HAT1: variants seen among roughly 807,000 people sequenced by gnomAD.
HAT1 encodes the protein histone acetyltransferase 1.
In HAT1, 20 loss-of-function variants were observed where a neutral mutation model predicts 56.6. That is an observed-to-expected ratio of 0.35 (90% CI 0.25 to 0.51). The LOEUF is 0.51. HAT1 is among the 20% of genes least tolerant of loss of function. The pLI, the probability that HAT1 is intolerant of heterozygous loss-of-function variation, is 0.95. For missense variants in HAT1, 408 were observed against 504.3 expected (o/e 0.81, Z 1.83); for synonymous variants, 146 against 165.5 (o/e 0.88, Z 0.91).
intron 4 of HAT1, among the ~76,000 whole-genome samples, chr2:171,956,658 G>C (rs996056472): frequency 1.3e-5 from 2 of 152,230 alleles, no homozygotes; most frequent in Non-Finnish European, 2.9e-5. Context: ...CTGCAGTTCT[G>C]TGGAAAGGAG....
At chr2:171,925,769 T>C in intron 2 of HAT1, 128 bp downstream of exon 2, 1 of 546,560 alleles carries the variant, frequency 1.8e-6, no homozygotes, top group Middle Eastern at 4.8e-4. Flanking sequence ...TTTCTGCATT[T>C]ATTGAACATA....
chr2:171,965,061 G>A, intron 4 of HAT1: 1 of 307,636 alleles, frequency 3.3e-6, no homozygotes, highest in Non-Finnish European at 6.0e-6. Context: ...AGCTGTTTCT[G>A]CATAATGGAA....
chr2:171,981,988 G>T (rs1349407478), intron 10 of HAT1, among the ~76,000 whole-genome samples: 1 of 151,974 alleles, frequency 6.6e-6, no homozygotes, highest in Non-Finnish European at 1.5e-5. Flanking sequence ...ATAATTTATT[G>T]AATTATATAT....
At chr2:171,944,331 G>C (rs1383167419) in intron 2 of HAT1, among the ~76,000 whole-genome samples, 1 of 152,090 alleles carries the variant, frequency 6.6e-6, no homozygotes, top group East Asian at 1.9e-4. Flanking sequence ...GTACATTCTG[G>C]ATTTGTGTAT....
At chr2:171,923,737 C>T (rs1371929631) in intron 1 of HAT1, 2 of 152,158 alleles carry the variant, frequency 1.3e-5, no homozygotes, top group South Asian at 2.1e-4. Flanking sequence ...TCTTGAAGTA[C>T]CACAGAAGAG....
chr2:171,978,491 T>C (rs896058184), intron 9 of HAT1, among the ~76,000 whole-genome samples: 11 of 152,182 alleles, frequency 7.2e-5, no homozygotes, highest in African/African-American at 2.7e-4. Flanking sequence ...TCCTTGCCCT[T>C]AGACTAGAAT....
chr2:171,981,336 A>AAC (rs753349200), intron 10 of HAT1, among the ~76,000 whole-genome samples: 28 of 152,326 alleles, frequency 1.8e-4, no homozygotes, highest in Non-Finnish European at 3.5e-4. Flanking sequence ...AATAGCTGGG[A>AAC]ACATAAGTGA....
intron 2 of HAT1, among the ~76,000 whole-genome samples, chr2:171,933,140 C>T (rs995873273): frequency 6.6e-6 from 1 of 152,108 alleles, no homozygotes; most frequent in African/African-American, 2.4e-5. Context: ...TCACTGTAGC[C>T]TCAACCTCTT....
chr2:171,946,686 A>AT lies in HAT1; in HGVS notation c.113-15dup, dbSNP rs771067618. On this transcript the variant is annotated intron_variant, in intron 2 of 10. Transcript: ENST00000264108. ...ATCTTTAGTTATCTTTAATATCTCT[A>AT]TTTTTTTGTCCCTTGAAACAGTTCG... 9.0e-5 allele frequency: 128 copies of AT among 1,419,632 alleles called. No homozygotes were observed. In the African/African-American group the frequency reaches 1.4e-3, roughly 16 times the overall value. The allele number at this position is 1,419,632 out of a possible 1,614,324, so 87.9% of individuals were successfully genotyped here. A position where few individuals can be genotyped will look rare whatever the true frequency, so the allele number is the denominator to read the frequency against.
At chr2:171,926,087 C>G (rs915490767) in intron 2 of HAT1, among the ~76,000 whole-genome samples, 12 of 151,922 alleles carry the variant, frequency 7.9e-5, no homozygotes, top group Non-Finnish European at 1.8e-4. Context: ...TCTCTTCTTT[C>G]ATTTCCTCCC....
chr2:171,960,293 T>C (rs1015995982), intron 4 of HAT1, among the ~76,000 whole-genome samples: 3 of 152,104 alleles, frequency 2.0e-5, no homozygotes, highest in African/African-American at 4.8e-5. Flanking sequence ...GAATTAGATG[T>C]GACAGATGAA....
Position 171,922,511 on chromosome 2 carries a change from A to T in HAT1, c.7+4A>T. 2 of 1,318,420 alleles carry T rather than the reference A, an allele frequency of 1.5e-6. No homozygotes were observed. Among genetic ancestry groups the T allele is most frequent in the Non-Finnish European group, 2.0e-6 (2 of 1,024,272 alleles). 81.7% of individuals were successfully genotyped at this position (1,318,420 alleles called of 1,614,324 possible). A position where few individuals can be genotyped will look rare whatever the true frequency, so the allele number is the denominator to read the frequency against. ...GATCGTAGCTCGGAAATGGCGGGTA[A>T]GTTACCGGGAAAAGTTTACCAAGGG... On this transcript the variant is annotated splice_donor_region_variant and intron_variant, in intron 1 of 10. Transcript: ENST00000264108.
At chr2:171,937,998 CATCT>C (rs1404473079) in intron 2 of HAT1, among the ~76,000 whole-genome samples, 19 of 136,800 alleles carry the variant, frequency 1.4e-4, no homozygotes, top group Admixed American at 5.3e-4. Context: ...AGCAAGACCC[CATCT>C]ATCTATCTGT....
In HAT1 at chr2:171,925,553, G is replaced by T; in HGVS notation, c.24G>T (p.Glu8Asp). The T allele has an allele frequency of 6.5e-7, 1 of 1,533,136 alleles. No individual in the cohort carries two copies. 95.0% of individuals were successfully genotyped at this position (1,533,136 alleles called of 1,614,324 possible). A position where few individuals can be genotyped will look rare whatever the true frequency, so the allele number is the denominator to read the frequency against. ...TTCTCTTAGGATTTGGTGCTATGGA[G>T]AAATTTTTGGTAGAATATAAGAGTG... MAGFGAM[E>D]KFLVEYKSAV... is the part of the protein sequence containing the mutation. The change falls in exon 2 of 11, where the codon GAG becomes GAT. Residue 8 changes from glutamate to aspartate, a missense_variant. Transcript: ENST00000264108.
Position 171,950,939 on chromosome 2 carries a change from C to T in HAT1, c.189-1942C>T, listed in dbSNP as rs187752083. Among the ~76,000 whole-genome samples the T allele has an allele frequency of 3.3e-5, 5 of 151,878 alleles. No individual in the cohort carries two copies. In the East Asian group the frequency reaches 7.8e-4, roughly 24 times the overall value. On this transcript the variant is annotated intron_variant, in intron 3 of 10. Transcript: ENST00000264108. The stretch of plus-strand genomic sequence containing the variant: ...ATGCTCCTGCCTCAGCCTCCCGAGT[C>T]GCTGGGGTTACAGGCGCCTGCCACC...
chr2:171,930,051 A>T (rs184360498), intron 2 of HAT1, among the ~76,000 whole-genome samples: 2 of 152,316 alleles, frequency 1.3e-5, no homozygotes, highest in East Asian at 3.9e-4. Flanking sequence ...TATGAACATG[A>T]TGTATTTCTG....
intron 4 of HAT1, among the ~76,000 whole-genome samples, chr2:171,954,800 A>C (rs1214935354): frequency 6.6e-6 from 1 of 152,226 alleles, no homozygotes; most frequent in Non-Finnish European, 1.5e-5. Flanking sequence ...TATTGCAAAA[A>C]GCACTTCGCT....
At chr2:171,947,771 C>T (rs1052574564) in intron 3 of HAT1, among the ~76,000 whole-genome samples, 2 of 152,024 alleles carry the variant, frequency 1.3e-5, no homozygotes, top group Non-Finnish European at 2.9e-5. Flanking sequence ...CCTGGCTACT[C>T]GGGAGGCTGA....
chr2:171,981,155 C>A (rs1688124630), intron 10 of HAT1, among the ~76,000 whole-genome samples: 1 of 151,674 alleles, frequency 6.6e-6, no homozygotes, highest in African/African-American at 2.4e-5. Context: ...GGGTGACGAG[C>A]AAAATTCCAT....
Sources: allele counts gnomAD v4.1 joint callset (sites outside exome capture counted in the v4.1 genomes callset), GRCh38; gene constraint gnomAD v4.1.1; transcripts MANE v1.5; gene names NCBI Gene and HGNC (gene_info 2026-07-23, HGNC 2026-07-21).